Variants in AFF1 observed in about 807,000 individuals in gnomAD.
AFF1 encodes ALF transcription elongation factor 1.
A neutral mutation model predicts 121.7 loss-of-function variants in AFF1; 48 were observed. The observed-to-expected ratio is 0.39, with a 90% CI of 0.31 to 0.50. The LOEUF is 0.50. Among genes scored for constraint, AFF1 ranks in the 20% least tolerant of loss-of-function variants. AFF1 has a pLI of 0.76. For synonymous variants in AFF1, 613 were observed against 563.0 expected (o/e 1.09, Z -1.26); for missense variants, 1,523 against 1,511.7 (o/e 1.01, Z -0.12).
chr4:87,105,535 T>C, intron 8 of AFF1, 93 bp from the exon 9 acceptor site: 1 of 1,395,080 alleles, frequency 7.2e-7, no homozygotes. Context: ...TCCTCTCTCT[T>C]TGTTTAATTA....
At chr4:87,014,912 C>T (rs921016520) in intron 2 of AFF1, among the ~76,000 whole-genome samples, 1 of 152,170 alleles carries the variant, frequency 6.6e-6, no homozygotes, top group African/African-American at 2.4e-5. Flanking sequence ...TGTTTCCTCC[C>T]TAGCTTTGCA....
At position 87,138,490 on chromosome 4, in the gene AFF1, G is replaced by GGT. The variant is rs35457894; in HGVS notation, c.*2820_*2821dup. The GGT allele has an allele frequency of 0.024, 5,328 of 218,954 alleles. 61 individuals are homozygous for GGT. The highest frequency in any genetic ancestry group is 0.064 in the South Asian group (338 of 5,300). The allele number at this position is 218,954 out of a possible 1,614,324, so 13.6% of individuals were successfully genotyped here. ...GTAAATCTTGCCTTTGGCACTACAA[G>GGT]GTGTGTGTGTGTGTGTGTGTGTGTG... is the stretch of plus-strand genomic sequence containing the variant. On this transcript the variant is annotated 3_prime_UTR_variant, in exon 21 of 21. Transcript: ENST00000395146.
chr4:87,039,718 G>C (rs1729916999), intron 2 of AFF1, among the ~76,000 whole-genome samples: 1 of 152,156 alleles, frequency 6.6e-6, no homozygotes, highest in Non-Finnish European at 1.5e-5. Flanking sequence ...ATGGTGGACA[G>C]TAGTATATGA....
chr4:86,978,818 G>A (rs975459379), intron 2 of AFF1, among the ~76,000 whole-genome samples: 4 of 152,146 alleles, frequency 2.6e-5, no homozygotes, highest in Admixed American at 6.5e-5. Context: ...TATTACAGCA[G>A]TATTTCTAAA....
At position 87,127,747 on chromosome 4, in the gene AFF1, A is replaced by G. The variant is rs144652500; in HGVS notation, c.2964+44A>G. On this transcript the variant is annotated intron_variant, in intron 16 of 20. Coordinates refer to ENST00000395146, the MANE Select transcript of AFF1 (RefSeq NM_001166693.3). ...TCTCTTTGGTAGAATGTTTTCTGAT[A>G]GTAAAAAAAATTTTTGGTAGTCTCC... is the stretch of plus-strand genomic sequence containing the variant. 142 of 1,605,146 alleles carry G rather than the reference A, an allele frequency of 8.8e-5. No individual in the cohort carries two copies. In the African/African-American group the frequency reaches 1.1e-3, roughly 12 times the overall value.
intron 4 of AFF1, among the ~76,000 whole-genome samples, chr4:87,069,182 G>T (rs11097127): frequency 0.43 from 65,825 of 151,502 alleles, 15,006 homozygotes; most frequent in African/African-American, 0.58. Context: ...AAATAAGCTT[G>T]CCAGCCATAG....
chr4:86,996,541 GT>G, intron 2 of AFF1, among the ~76,000 whole-genome samples: 1 of 150,970 alleles, frequency 6.6e-6, no homozygotes, highest in Non-Finnish European at 1.5e-5. Context: ...CTCGTTAAGA[GT>G]CATCACCACT....
Position 87,134,545 on chromosome 4 carries a change from G to C in AFF1, c.3386G>C (p.Gly1129Ala). The change falls in exon 20 of 21, where the codon GGC becomes GCC. Residue 1129 changes from glycine (G) to alanine (A), a missense_variant. This residue lies in a region of AFF1 where 241 missense variants were observed against 265.2 expected (regional missense o/e 0.91). Coordinates refer to ENST00000395146, the MANE Select transcript of AFF1 (RefSeq NM_001166693.3). The stretch of plus-strand genomic sequence containing the variant: ...TCCGTAGGGTCCCAGTCAAGTGCTG[G>C]CAGTGTGGGGAGCAGTGGGGTGGCT... ...ASSVGSQSSA[G>A]SVGSSGVAAT... 1.2e-6 allele frequency: 2 copies of C among 1,614,028 alleles called. No individual in the cohort carries two copies. Among genetic ancestry groups the C allele is most frequent in the African/African-American group, 2.7e-5 (2 of 75,030 alleles).
At chr4:86,970,512 G>A (rs1324278619) in intron 2 of AFF1, among the ~76,000 whole-genome samples, 1 of 152,204 alleles carries the variant, frequency 6.6e-6, no homozygotes, top group African/African-American at 2.4e-5. Flanking sequence ...TCTAGGTATT[G>A]TTCTATGTAG....
At chr4:86,982,205 T>C (rs988984535) in intron 2 of AFF1, among the ~76,000 whole-genome samples, 1 of 152,112 alleles carries the variant, frequency 6.6e-6, no homozygotes, top group African/African-American at 2.4e-5. Context: ...ACAAACACTT[T>C]GTATTAGAGA....
At chr4:87,133,395 C>T (rs1365365395) in intron 19 of AFF1, among the ~76,000 whole-genome samples, 1 of 152,150 alleles carries the variant, frequency 6.6e-6, no homozygotes, top group African/African-American at 2.4e-5. Context: ...CACGACTGCC[C>T]TATTTCTAGC....
intron 4 of AFF1, among the ~76,000 whole-genome samples, chr4:87,072,228 T>A (rs1375525847): frequency 6.6e-6 from 1 of 151,856 alleles, no homozygotes; most frequent in Admixed American, 6.6e-5. Flanking sequence ...CTGGGCCTGG[T>A]GGCGGGCGCC....
In AFF1 at chr4:86,935,094, G is replaced by A. The variant is rs1002427807; in HGVS notation, c.-183G>A. 1 of 152,192 alleles carries A rather than the reference G, an allele frequency of 6.6e-6. No individual in the cohort carries two copies. Among genetic ancestry groups the A allele is most frequent in the African/African-American group, 2.4e-5 (1 of 41,450 alleles). The allele number at this position is 152,192 out of a possible 1,614,324, so 9.4% of individuals were successfully genotyped here. A position where few individuals can be genotyped will look rare whatever the true frequency, so the allele number is the denominator to read the frequency against. On this transcript the variant is annotated 5_prime_UTR_variant, in exon 1 of 21. Coordinates refer to ENST00000395146, the MANE Select transcript of AFF1 (RefSeq NM_001166693.3). ...GCGTTGCGGCCGCAGCTGCACCTTT[G>A]CCTCCGCGGTTCCGCAGCCGAGCCC...
chr4:87,070,375 G>A (rs1721906714), intron 4 of AFF1, among the ~76,000 whole-genome samples: 1 of 152,046 alleles, frequency 6.6e-6, no homozygotes, highest in Non-Finnish European at 1.5e-5. Flanking sequence ...CTGACCTTGT[G>A]ATCCACCTGC....
chr4:86,978,275 C>CT (rs1472190365), intron 2 of AFF1, among the ~76,000 whole-genome samples: 1 of 145,166 alleles, frequency 6.9e-6, no homozygotes, highest in Admixed American at 7.2e-5. Flanking sequence ...CCTCCACCTC[C>CT]TGGGTTCAAG....
chr4:86,976,596 C>G (rs1459810730), intron 2 of AFF1, among the ~76,000 whole-genome samples: 5 of 152,092 alleles, frequency 3.3e-5, no homozygotes, highest in Admixed American at 1.3e-4. Flanking sequence ...AAGGGAACAA[C>G]AGACCCCAGG....
At position 87,047,507 on chromosome 4, in the gene AFF1, T is replaced by G; in HGVS notation, c.972T>G (p.Tyr324Ter). The part of the protein sequence containing the change: ...SPELKPLPED[Y>*]RQQTFEKTDL... ...AACTGAAACCACTGCCGGAGGACTA[T>G]CGACAGCAGACCTTTGAAAAAACAG... is the stretch of plus-strand genomic sequence containing the variant. The change falls in exon 4 of 21, where the codon TAT (tyrosine) becomes TAG (stop). Residue 324 changes from tyrosine to a stop codon, truncating the protein, a stop_gained. Transcript: ENST00000395146. LOFTEE classifies it high-confidence loss of function. The G allele has an allele frequency of 6.2e-7, 1 of 1,614,196 alleles. No homozygotes were observed. The highest frequency in any genetic ancestry group is 8.5e-7 in the Non-Finnish European group (1 of 1,180,044).
Position 87,135,807 on chromosome 4 carries a change from A to G in AFF1, c.*106A>G. 4.3e-6 allele frequency: 6 copies of G among 1,402,600 alleles called. No homozygotes were observed. The highest frequency in any genetic ancestry group is 5.6e-6 in the Non-Finnish European group (6 of 1,064,582). 86.9% of individuals were successfully genotyped at this position (1,402,600 alleles called of 1,614,324 possible). A position where few individuals can be genotyped will look rare whatever the true frequency, so the allele number is the denominator to read the frequency against. ...ATCAGGACACCAAACTCTAAAAAAG[A>G]AGCACCACGAGATGGCCAGGACATT... On this transcript the variant is annotated 3_prime_UTR_variant, in exon 21 of 21. Transcript: ENST00000395146.
At chr4:86,999,427 T>C (rs1033122418) in intron 2 of AFF1, among the ~76,000 whole-genome samples, 5 of 152,316 alleles carry the variant, frequency 3.3e-5, no homozygotes, top group Middle Eastern at 3.4e-3. Context: ...CTAAGTCTCA[T>C]TGATAGATAT....
Sources: gnomAD v4.1 joint callset for allele counts (sites outside exome capture counted in the v4.1 genomes callset) on GRCh38, gnomAD v4.1.1 for gene constraint, gnomAD v4.1.1 regional missense constraint, MANE v1.5 for transcripts, NCBI Gene and HGNC (gene_info 2026-07-23, HGNC 2026-07-21) for gene names.